The following DLG2 variants were observed in gnomAD, a reference collection of about 807,000 sequenced individuals.
The protein encoded by DLG2 is disks large homolog 2.
A neutral mutation model predicts 132.5 loss-of-function variants in DLG2; 45 were observed. That is an observed-to-expected ratio of 0.34 (90% CI 0.27 to 0.44). The LOEUF (loss-of-function observed/expected upper bound fraction) is 0.44. Ranked by LOEUF, DLG2 falls within the 20% of genes least tolerant of loss-of-function variation. The probability of loss-of-function intolerance (pLI) is 1.00; values close to 1 mark genes in which losing one functional copy is unlikely to be tolerated. For missense variants in DLG2, 1,045 were observed against 1,196.9 expected (o/e 0.87, Z 1.87); for synonymous variants, 424 against 419.6 (o/e 1.01, Z -0.13).
At chr11:84,208,212 C>A (rs537391105) in intron 8 of DLG2, among the ~76,000 whole-genome samples, 1 of 152,092 alleles carries the variant, frequency 6.6e-6, no homozygotes, top group African/African-American at 2.4e-5. Context: ...TATGTCTTTG[C>A]CTGCAACTCC....
At chr11:84,728,408 G>T (rs917668875) in intron 6 of DLG2, among the ~76,000 whole-genome samples, 6 of 152,116 alleles carry the variant, frequency 3.9e-5, no homozygotes, top group African/African-American at 1.4e-4. Flanking sequence ...AAAGGCATAT[G>T]TTGAACCAGC....
At chr11:84,887,447 G>C (rs1165246626) in intron 6 of DLG2, 1 of 152,018 alleles carries the variant, frequency 6.6e-6, no homozygotes, top group Non-Finnish European at 1.5e-5. Flanking sequence ...TTTTAAAATA[G>C]CAAAATATTC....
At chr11:84,787,601 C>T (rs926138477) in intron 6 of DLG2, among the ~76,000 whole-genome samples, 1 of 152,070 alleles carries the variant, frequency 6.6e-6, no homozygotes, top group African/African-American at 2.4e-5. Flanking sequence ...AATTATGCAC[C>T]TATATGTGTA....
At chr11:84,343,863 GA>G (rs1188052251) in intron 7 of DLG2, among the ~76,000 whole-genome samples, 1 of 151,872 alleles carries the variant, frequency 6.6e-6, no homozygotes, top group African/African-American at 2.4e-5. Context: ...AAATTGTCTT[GA>G]AATATTATTT....
intron 3 of DLG2, among the ~76,000 whole-genome samples, chr11:85,379,210 A>G (rs1230791481): frequency 6.6e-6 from 1 of 152,086 alleles, no homozygotes; most frequent in Admixed American, 6.6e-5. Flanking sequence ...TTTTACACAT[A>G]AATGTCTGCT....
At chr11:85,603,125 A>G (rs1443812740) in intron 2 of DLG2, among the ~76,000 whole-genome samples, 1 of 152,266 alleles carries the variant, frequency 6.6e-6, no homozygotes, top group African/African-American at 2.4e-5. Context: ...GAATGGTGAT[A>G]TAAATGTGTG....
rs746064375 is a variant in DLG2 at position 84,163,461 on chromosome 11, C to T, written c.624G>A (p.Arg208=). The change falls in exon 9 of 28, where the codon AGG becomes AGA. Residue 208 remains arginine (R), a splice_region_variant and synonymous_variant. Coordinates refer to ENST00000376104, the MANE Select transcript of DLG2 (RefSeq NM_001142699.3). ...TGGATTTTTCAAAATTTTTTCTTACCCTCTCCAGTGTAATTTCTTCAAATT... is the reference window on the plus strand; with the variant it reads ...TGGATTTTTCAAAATTTTTTCTTACTCTCTCCAGTGTAATTTCTTCAAATT... ...EYEFEEITLE[R]GNSGLGFSIA... 2.5e-6 allele frequency: 4 copies of T among 1,603,902 alleles called. No individual in the cohort carries two copies. The highest frequency in any genetic ancestry group is 2.6e-6 in the Non-Finnish European group (3 of 1,176,174).
At chr11:84,057,707 C>T (rs933545160) in intron 11 of DLG2, among the ~76,000 whole-genome samples, 8 of 152,114 alleles carry the variant, frequency 5.3e-5, no homozygotes, top group African/African-American at 1.9e-4. Context: ...TTTTGTTGGT[C>T]GGTCAGTTTG....
chr11:84,946,226 C>A (rs752295169), intron 6 of DLG2, among the ~76,000 whole-genome samples: 7 of 152,134 alleles, frequency 4.6e-5, no homozygotes, highest in Non-Finnish European at 1.0e-4. Context: ...AGCTGGTACC[C>A]AAGCTGCAAG....
At chr11:84,640,964 A>C (rs78960254) in intron 6 of DLG2, among the ~76,000 whole-genome samples, 37,637 of 144,606 alleles carry the variant, frequency 0.26, 5,319 homozygotes, top group African/African-American at 0.39. Flanking sequence ...AAAAAAAAAA[A>C]CAAAAAAAAA....
In DLG2 at chr11:84,019,836, T is replaced by C. The variant is rs2154076032; in HGVS notation, c.920-39194A>G. Among the ~76,000 whole-genome samples the C allele has an allele frequency of 1.3e-5, 2 of 152,264 alleles. 1 individual carries two copies. Among genetic ancestry groups the C allele is most frequent in the South Asian group, 4.2e-4 (2 of 4,816 alleles). On this transcript the variant is annotated intron_variant, in intron 11 of 27. Coordinates refer to ENST00000376104, the MANE Select transcript of DLG2 (RefSeq NM_001142699.3). ...ATGGAACAGATTCTCTCTCACAGTC[T>C]TCAGAAGGAAACAACCTTGCTAATA...
At chr11:85,013,900 A>C (rs1266425162) in intron 6 of DLG2, among the ~76,000 whole-genome samples, 3 of 152,152 alleles carry the variant, frequency 2.0e-5, no homozygotes, top group Non-Finnish European at 4.4e-5. Context: ...CAAAAGCTTA[A>C]AATATTAGAA....
At chr11:84,273,171 T>C (rs748843254) in intron 7 of DLG2, 8 of 1,553,430 alleles carry the variant, frequency 5.1e-6, no homozygotes, top group South Asian at 2.5e-5. Flanking sequence ...GCATGTTGCA[T>C]AGCTTGTTCA....
At chr11:84,361,544 G>A (rs2098649734) in intron 7 of DLG2, among the ~76,000 whole-genome samples, 1 of 151,842 alleles carries the variant, frequency 6.6e-6, no homozygotes, top group Admixed American at 6.6e-5. Context: ...CCACAATAAA[G>A]GTCAAAGGAA....
At chr11:83,808,611 T>C (rs1021502577) in intron 17 of DLG2, among the ~76,000 whole-genome samples, 9 of 152,204 alleles carry the variant, frequency 5.9e-5, no homozygotes, top group African/African-American at 2.2e-4. Context: ...AGGAGTTCCA[T>C]GAAACCCAGA....
intron 3 of DLG2, among the ~76,000 whole-genome samples, chr11:85,539,717 C>T (rs2075834896): frequency 6.6e-6 from 1 of 152,112 alleles, no homozygotes; most frequent in African/African-American, 2.4e-5. Context: ...AATATATACA[C>T]TTACTGTGTA....
At chr11:84,834,691 G>A (rs909804452) in intron 6 of DLG2, among the ~76,000 whole-genome samples, 1 of 150,942 alleles carries the variant, frequency 6.6e-6, no homozygotes, top group African/African-American at 2.4e-5. Context: ...CATTTTGGAG[G>A]AATAAGTCAT....
intron 6 of DLG2, among the ~76,000 whole-genome samples, chr11:84,634,821 T>C (rs2099637863): frequency 6.6e-6 from 1 of 152,172 alleles, no homozygotes; most frequent in East Asian, 1.9e-4. Context: ...CCTACAAGCA[T>C]TAAGAGCTTC....
At chr11:84,224,890 C>T (rs2096968108) in intron 8 of DLG2, among the ~76,000 whole-genome samples, 1 of 152,274 alleles carries the variant, frequency 6.6e-6, no homozygotes, top group African/African-American at 2.4e-5. Context: ...ACTGTCTTAT[C>T]CCCATGGATT....
Sources: gnomAD v4.1 joint callset for allele counts (sites outside exome capture counted in the v4.1 genomes callset) on GRCh38, gnomAD v4.1.1 for gene constraint, MANE v1.5 for transcripts, NCBI Gene and HGNC (gene_info 2026-07-23, HGNC 2026-07-21) for gene names.